ZNF521: variants seen among roughly 807,000 people sequenced by gnomAD.
ZNF521 encodes LYST-interacting protein 3.
Under a neutral mutation model 105.5 loss-of-function variants are expected in ZNF521, and 14 were observed. The ratio of observed to expected loss-of-function variants is 0.13; its 90% CI spans 0.09 to 0.21. ZNF521 has a LOEUF of 0.21. Among genes scored for constraint, ZNF521 ranks in the 10% least tolerant of loss-of-function variants. The pLI is 1.00. For synonymous variants in ZNF521, 635 were observed against 606.0 expected (o/e 1.05, Z -0.70); for missense variants, 1,233 against 1,629.7 (o/e 0.76, Z 4.19).
At chr18:25,121,380 G>C (rs1270378286) in intron 5 of ZNF521, among the ~76,000 whole-genome samples, 1 of 151,232 alleles carries the variant, frequency 6.6e-6, no homozygotes, top group Non-Finnish European at 1.5e-5. Flanking sequence ...TCAGCCTCGA[G>C]CAGCTGTGAC....
At chr18:25,170,018 AC>A (rs2144555145) in intron 5 of ZNF521, among the ~76,000 whole-genome samples, 1 of 152,262 alleles carries the variant, frequency 6.6e-6, no homozygotes, top group African/African-American at 2.4e-5. Context: ...TTCCCAATAA[AC>A]ATTATTCTGA....
chr18:25,196,148 T>C lies in ZNF521; in HGVS notation c.3574-904A>G, dbSNP rs535231628. Reference sequence around the variant, plus strand: ...AACACATACTTACATAAATTCCTTTTTGATGAAACTTAATATTTGTAATTA... The same window carrying C: ...AACACATACTTACATAAATTCCTTTCTGATGAAACTTAATATTTGTAATTA... On this transcript the variant is annotated intron_variant, in intron 4 of 7. Coordinates refer to ENST00000361524, the MANE Select transcript of ZNF521 (RefSeq NM_015461.3). Among the ~76,000 whole-genome samples the C allele has an allele frequency of 2.0e-5, 3 of 151,916 alleles. No homozygotes were observed. The East Asian group carries it at 5.8e-4, about 29-fold the overall frequency.
At chr18:25,064,637 T>C (rs1025655071) in intron 7 of ZNF521, among the ~76,000 whole-genome samples, 2 of 152,166 alleles carry the variant, frequency 1.3e-5, no homozygotes, top group African/African-American at 4.8e-5. Context: ...TTAGAGATGT[T>C]TGTTATCTCT....
intron 3 of ZNF521, among the ~76,000 whole-genome samples, chr18:25,242,285 C>A (rs1286465456): frequency 1.3e-5 from 2 of 152,158 alleles, no homozygotes; most frequent in Non-Finnish European, 2.9e-5. Flanking sequence ...GTTCTTTCAA[C>A]ATGATTTTTC....
intron 4 of ZNF521, among the ~76,000 whole-genome samples, chr18:25,210,152 T>A (rs2036153789): frequency 6.6e-6 from 1 of 152,224 alleles, no homozygotes; most frequent in South Asian, 2.1e-4. Flanking sequence ...ACATTGGTAG[T>A]GTGCTTCATG....
chr18:25,110,914 C>G (rs1220816026), intron 5 of ZNF521, among the ~76,000 whole-genome samples: 2 of 152,032 alleles, frequency 1.3e-5, no homozygotes, highest in African/African-American at 4.8e-5. Flanking sequence ...AGGCACCCGC[C>G]ACCACGCCTG....
intron 4 of ZNF521, among the ~76,000 whole-genome samples, chr18:25,212,572 G>C (rs1219592829): frequency 4.4e-5 from 3 of 67,720 alleles, no homozygotes; most frequent in African/African-American, 1.8e-4. Context: ...TATATGTATA[G>C]AAACATATAT....
intron 7 of ZNF521, among the ~76,000 whole-genome samples, chr18:25,074,701 C>A (rs1162572401): frequency 6.6e-6 from 1 of 152,184 alleles, no homozygotes; most frequent in Non-Finnish European, 1.5e-5. Flanking sequence ...TGCCCCCACT[C>A]TCTACCCTGC....
At position 25,089,468 on chromosome 18, in the gene ZNF521, C is replaced by A. The variant is rs760063735; in HGVS notation, c.3903G>T (p.Leu1301=). Residue 1301 remains leucine (L), a synonymous_variant, in exon 7 of 8, where the codon CTG becomes CTT. Transcript: ENST00000361524. ...CPQKFFFQTE[L]QNHTMTQHSS The stretch of plus-strand genomic sequence containing the variant: ...GTCCTCCCCATGAGGACATTACCTG[C>A]AGCTCTGTTTGGAAGAAAAACTTCT... 1.9e-6 allele frequency: 3 copies of A among 1,612,344 alleles called. No individual in the cohort carries two copies. Among genetic ancestry groups the A allele is most frequent in the African/African-American group, 1.3e-5 (1 of 75,006 alleles).
rs1486103174 is a variant in ZNF521 at position 25,308,657 on chromosome 18, C to CG, written c.220+13350_220+13351insC. On this transcript the variant is annotated intron_variant, in intron 3 of 7. Coordinates refer to ENST00000361524, the MANE Select transcript of ZNF521 (RefSeq NM_015461.3). ...AGTTGGCCTTAATGACATCCCCCCCCCCCCACCCGCCACAGCCCCTCCAAA... is the reference window on the plus strand; with the variant it reads ...AGTTGGCCTTAATGACATCCCCCCCCGCCCCACCCGCCACAGCCCCTCCAAA... Among the ~76,000 whole-genome samples the CG allele has an allele frequency of 9.7e-4, 142 of 146,508 alleles. 1 individual carries two copies. Among genetic ancestry groups the CG allele is most frequent in the African/African-American group, 3.3e-3 (135 of 40,310 alleles).
intron 5 of ZNF521, among the ~76,000 whole-genome samples, chr18:25,172,693 C>A (rs568329040): frequency 6.6e-6 from 1 of 152,170 alleles, no homozygotes; most frequent in Non-Finnish European, 1.5e-5. Context: ...AGAAAGCTGA[C>A]ATGCTAAACA....
rs529226582 is a variant in ZNF521 at position 25,081,031 on chromosome 18, C to T, written c.3906+8434G>A. Among the ~76,000 whole-genome samples, 48 of 149,792 alleles carry T rather than the reference C, an allele frequency of 3.2e-4. 1 individual carries two copies. The highest frequency in any genetic ancestry group is 1.7e-3 in the South Asian group (8 of 4,698). ...TCCTTCCTAATGGAGGCAGATCTTC[C>T]GGTGCTATGGCAGCAGGCTGTCTTG... On this transcript the variant is annotated intron_variant, in intron 7 of 7. Transcript: ENST00000361524.
chr18:25,183,497 C>T (rs990310168), intron 5 of ZNF521, among the ~76,000 whole-genome samples: 97 of 152,228 alleles, frequency 6.4e-4, no homozygotes, highest in African/African-American at 1.9e-3. Context: ...ATTTGTACCA[C>T]GTTACCCTAC....
intron 4 of ZNF521, among the ~76,000 whole-genome samples, chr18:25,214,622 T>C (rs1199535925): frequency 6.6e-6 from 1 of 152,230 alleles, no homozygotes; most frequent in Non-Finnish European, 1.5e-5. Flanking sequence ...TTAATTTCTA[T>C]ATTATGCCTT....
rs774366397 is a variant in ZNF521 at position 25,226,749 on chromosome 18, G to A, written c.1169C>T (p.Thr390Ile). The A allele has an allele frequency of 8.7e-6, 14 of 1,614,002 alleles. No homozygotes were observed. Among genetic ancestry groups the A allele is most frequent in the East Asian group, 4.5e-5 (2 of 44,882 alleles). Residue 390 changes from threonine (T) to isoleucine (I), a missense_variant, in exon 4 of 8, where the codon ACC becomes ATC. Around this residue, in one of 6 missense-constraint regions of ZNF521, gnomAD observed 380 missense variants for 478.0 expected, o/e 0.80. Transcript: ENST00000361524. The surrounding 1 kb of genome is among the most constrained non-coding windows in gnomAD (Gnocchi z 4.1). The part of the protein sequence containing the change: ...SRGRKRAAQQ[T>I]PDMTGPSSKQ... ...ACTCGAGGGACCAGTCATGTCAGGG[G>A]TTTGTTGAGCGGCCCTCTTCCTCCC...
intron 5 of ZNF521, among the ~76,000 whole-genome samples, chr18:25,173,998 C>A (rs1171257919): frequency 6.6e-6 from 1 of 152,060 alleles, no homozygotes; most frequent in Non-Finnish European, 1.5e-5. Context: ...AAATACAGAG[C>A]ACTAATTAAC....
At chr18:25,109,359 A>G (rs2034138463) in intron 5 of ZNF521, among the ~76,000 whole-genome samples, 1 of 152,144 alleles carries the variant, frequency 6.6e-6, no homozygotes, top group Admixed American at 6.5e-5. Flanking sequence ...TCATCCATTG[A>G]TGGGCATTTA....
chr18:25,152,771 T>C (rs766553884), intron 5 of ZNF521, among the ~76,000 whole-genome samples: 3 of 152,226 alleles, frequency 2.0e-5, no homozygotes, highest in Non-Finnish European at 4.4e-5. Context: ...TTTAATTTCA[T>C]GAGGAATGAA....
chr18:25,245,906 G>T (rs1907678780), intron 3 of ZNF521, among the ~76,000 whole-genome samples: 1 of 152,182 alleles, frequency 6.6e-6, no homozygotes, highest in Non-Finnish European at 1.5e-5. Flanking sequence ...CAGCTACTCA[G>T]AAGGCTGAGG....
Sources: allele counts gnomAD v4.1 joint callset (sites outside exome capture counted in the v4.1 genomes callset), GRCh38; gene constraint gnomAD v4.1.1; regional missense constraint gnomAD v4.1.1; non-coding constraint Gnocchi (gnomAD v3.1); transcripts MANE v1.5; gene names NCBI Gene and HGNC (gene_info 2026-07-23, HGNC 2026-07-21).